Variants in NIPBL observed in about 807,000 individuals in gnomAD.
The protein encoded by NIPBL is nipped-B-like protein.
Under a neutral mutation model 321.8 loss-of-function variants are expected in NIPBL, and 19 were observed. That is an observed-to-expected ratio of 0.06 (90% CI 0.04 to 0.09). The LOEUF (loss-of-function observed/expected upper bound fraction) is 0.09, where lower values mean the gene tolerates loss of function less well. NIPBL is among the 10% of genes least tolerant of loss of function. NIPBL has a pLI of 1.00. For missense variants in NIPBL, 2,210 were observed against 3,327.0 expected (o/e 0.66, Z 8.26); for synonymous variants, 1,106 against 1,114.1 (o/e 0.99, Z 0.14).
At chr5:36,890,552 G>C (rs1202077944) in intron 1 of NIPBL, among the ~76,000 whole-genome samples, 1 of 152,120 alleles carries the variant, frequency 6.6e-6, no homozygotes, top group African/African-American at 2.4e-5. Flanking sequence ...ACCTCTTGAT[G>C]ATAAACAGTT....
chr5:36,891,357 C>T (rs906361851), intron 1 of NIPBL, among the ~76,000 whole-genome samples: 3 of 152,184 alleles, frequency 2.0e-5, no homozygotes, highest in Non-Finnish European at 4.4e-5. Context: ...GATTATGTTA[C>T]AATATCTAAG....
intron 32 of NIPBL, among the ~76,000 whole-genome samples, chr5:37,031,576 A>C (rs1030809633): frequency 3.3e-5 from 5 of 152,186 alleles, no homozygotes; most frequent in Non-Finnish European, 7.3e-5. Context: ...TCTAAGACTG[A>C]CCATTTTCTA....
At chr5:36,878,139 C>CA (rs1561337813) in intron 1 of NIPBL, among the ~76,000 whole-genome samples, 2 of 151,758 alleles carry the variant, frequency 1.3e-5, no homozygotes, top group Admixed American at 6.6e-5. Context: ...TTTCTTTTTC[C>CA]AAAAAAGAAA....
chr5:37,012,856 T>C (rs1431437879), intron 21 of NIPBL, among the ~76,000 whole-genome samples: 1 of 152,170 alleles, frequency 6.6e-6, no homozygotes, highest in Non-Finnish European at 1.5e-5. Flanking sequence ...AAGTCTCCCA[T>C]GTCTACCTCT....
At chr5:36,963,640 A>C (rs1270206825) in intron 6 of NIPBL, among the ~76,000 whole-genome samples, 3 of 147,486 alleles carry the variant, frequency 2.0e-5, no homozygotes, top group Non-Finnish European at 4.5e-5. Flanking sequence ...TGTCTCTACA[A>C]AAAAAAAAAA....
In NIPBL at chr5:36,984,657, AT is replaced by A. The variant is rs1343543840; in HGVS notation, c.1496-16del. On this transcript the variant is annotated intron_variant, in intron 9 of 46. Transcript: ENST00000282516. Reference sequence around the variant, plus strand: ...ATACATGTCTATTACTGATATTGATATTTATCTTTAAATTTCAGATAAGCCT... The same window carrying A: ...ATACATGTCTATTACTGATATTGATATTATCTTTAAATTTCAGATAAGCCT... 1.9e-6 allele frequency: 3 copies of A among 1,596,628 alleles called. No homozygotes were observed. Among genetic ancestry groups the A allele is most frequent in the African/African-American group, 1.3e-5 (1 of 74,084 alleles).
chr5:36,952,927 T>A (rs923437117), intron 1 of NIPBL, among the ~76,000 whole-genome samples: 1 of 152,186 alleles, frequency 6.6e-6, no homozygotes, highest in Non-Finnish European at 1.5e-5. Flanking sequence ...ATGTCATAAG[T>A]TCAGAGTAGA....
intron 40 of NIPBL, chr5:37,050,997 T>G (rs1400346387): frequency 3.3e-5 from 5 of 152,186 alleles, no homozygotes; most frequent in African/African-American, 7.2e-5. Context: ...CTGGCTAATT[T>G]TTGTGTTTTT....
chr5:36,915,096 A>G (rs1161926519), intron 1 of NIPBL, among the ~76,000 whole-genome samples: 2 of 152,102 alleles, frequency 1.3e-5, no homozygotes, highest in East Asian at 3.9e-4. Flanking sequence ...TTTCTTGGGC[A>G]CTTAATTAGT....
At chr5:37,031,527 A>C (rs562864763) in intron 32 of NIPBL, among the ~76,000 whole-genome samples, 1 of 152,312 alleles carries the variant, frequency 6.6e-6, no homozygotes, top group Non-Finnish European at 1.5e-5. Context: ...ACAAAAATTA[A>C]ATAGATTTTA....
At chr5:36,967,495 A>G (rs1742333626) in intron 6 of NIPBL, among the ~76,000 whole-genome samples, 2 of 152,186 alleles carry the variant, frequency 1.3e-5, no homozygotes, top group Admixed American at 1.3e-4. Context: ...TTCCAGAAAA[A>G]AGAAAAACAG....
At position 36,962,134 on chromosome 5, in the gene NIPBL, C is replaced by T. The variant is rs1741695620; in HGVS notation, c.470C>T (p.Pro157Leu). The T allele has an allele frequency of 2.5e-6, 4 of 1,613,846 alleles. No homozygotes were observed. Among genetic ancestry groups the T allele is most frequent in the Non-Finnish European group, 3.4e-6 (4 of 1,179,982 alleles). The change falls in exon 6 of 47, where the codon CCA becomes CTA. Residue 157 changes from proline (P) to leucine (L), a missense_variant. Physicochemically the swap from Pro to Leu is moderately conservative, Grantham distance 98. Transcript: ENST00000282516. ...GTTTTGGGTTTTAGCCGGTTTGTGC[C>T]ACCACAGACAAGCTCTGGGAACAGA... ...ISHSPSSRFV[P>L]PQTSSGNRFM...
chr5:37,065,301 A>AAAAT lies in NIPBL; in HGVS notation c.*410_*413dup, dbSNP rs1266343717. The AAAAT allele has an allele frequency of 4.7e-6, 1 of 213,542 alleles. No individual in the cohort carries two copies. Among genetic ancestry groups the AAAAT allele is most frequent in the African/African-American group, 2.4e-5 (1 of 41,988 alleles). 13.2% of individuals were successfully genotyped at this position (213,542 alleles called of 1,614,324 possible). On this transcript the variant is annotated 3_prime_UTR_variant, in exon 47 of 47. Coordinates refer to ENST00000282516, the MANE Select transcript of NIPBL (RefSeq NM_133433.4). ...GGAAGCATTGTTTTTTCCAGGCTGT[A>AAAAT]AAATGGCAGAATCTCCTGGATATAT...
intron 9 of NIPBL, among the ~76,000 whole-genome samples, chr5:36,978,414 C>A (rs1366285494): frequency 1.3e-5 from 2 of 151,906 alleles, no homozygotes. Context: ...AGTGTCTGTT[C>A]ATGTCTTTTG....
At chr5:36,953,331 C>T (rs1740611892) in intron 1 of NIPBL, among the ~76,000 whole-genome samples, 1 of 152,162 alleles carries the variant, frequency 6.6e-6, no homozygotes, top group Non-Finnish European at 1.5e-5. Context: ...TGCTTTGGTT[C>T]TAATTCTTGC....
chr5:37,041,609 C>A (rs1752384670), intron 34 of NIPBL, among the ~76,000 whole-genome samples: 1 of 151,040 alleles, frequency 6.6e-6, no homozygotes, highest in East Asian at 1.9e-4. Context: ...GTTGCCCAGG[C>A]TGGAGTACAG....
At chr5:37,000,038 A>G (rs1430896515) in intron 11 of NIPBL, among the ~76,000 whole-genome samples, 1 of 152,164 alleles carries the variant, frequency 6.6e-6, no homozygotes, top group Non-Finnish European at 1.5e-5. Flanking sequence ...TTACAGCCTC[A>G]ATTAATCTTG....
At chr5:36,882,885 T>TAA (rs1268446990) in intron 1 of NIPBL, among the ~76,000 whole-genome samples, 3 of 149,266 alleles carry the variant, frequency 2.0e-5, no homozygotes, top group African/African-American at 7.4e-5. Context: ...TCTTTTTTTT[T>TAA]AAAAAAAAAA....
chr5:37,045,340 A>G, intron 36 of NIPBL, 103 bp from the exon 37 acceptor site: 1 of 851,500 alleles, frequency 1.2e-6, no homozygotes, highest in Non-Finnish European at 1.8e-6. Flanking sequence ...GGTGACAGTG[A>G]GACTCCATCT....
Sources: gnomAD v4.1 joint callset for allele counts (sites outside exome capture counted in the v4.1 genomes callset) on GRCh38, gnomAD v4.1.1 for gene constraint, MANE v1.5 for transcripts, NCBI Gene and HGNC (gene_info 2026-07-23, HGNC 2026-07-21) for gene names.